SLC4A8: variants seen among roughly 807,000 people sequenced by gnomAD.
The protein encoded by SLC4A8 is electroneutral sodium bicarbonate exchanger 1.
In SLC4A8, 40 loss-of-function variants were observed where a neutral mutation model predicts 125.0. The observed-to-expected ratio is 0.32, with a 90% CI of 0.25 to 0.42. The LOEUF (loss-of-function observed/expected upper bound fraction) is 0.42, where lower values mean the gene tolerates loss of function less well. Among genes scored for constraint, SLC4A8 ranks in the 10% least tolerant of loss-of-function variants. The probability of loss-of-function intolerance (pLI) is 1.00; values close to 1 mark genes in which losing one functional copy is unlikely to be tolerated. For synonymous variants in SLC4A8, 456 were observed against 476.0 expected, an observed-to-expected ratio of 0.96 and a Z score of 0.55; for missense variants, 863 against 1,355.1, an observed-to-expected ratio of 0.64 and a Z score of 5.70.
At chr12:51,414,502 G>A (rs1040142863) in intron 1 of SLC4A8, among the ~76,000 whole-genome samples, 1 of 152,134 alleles carries the variant, frequency 6.6e-6, no homozygotes, top group African/African-American at 2.4e-5. Context: ...TGTAATCCTG[G>A]CATTTTGGGA....
chr12:51,497,288 G>A (rs1951488130), intron 22 of SLC4A8, 164 bp downstream of exon 22: 1 of 757,542 alleles, frequency 1.3e-6, no homozygotes, highest in African/African-American at 1.8e-5. Flanking sequence ...AGGGATTCTT[G>A]CTTCTGTCTG....
At chr12:51,474,640 C>T (rs772587776) in intron 15 of SLC4A8, 193 bp downstream of exon 15, 6 of 985,618 alleles carry the variant, frequency 6.1e-6, no homozygotes, top group Non-Finnish European at 8.6e-6. Context: ...GAAGATTACC[C>T]TTCTCTTTTC....
chr12:51,448,526 AAGG>A (rs1949858700), intron 2 of SLC4A8, among the ~76,000 whole-genome samples: 1 of 152,160 alleles, frequency 6.6e-6, no homozygotes, highest in African/African-American at 2.4e-5. Flanking sequence ...TAGCACTAAA[AAGG>A]AAGAAAAGGG....
intron 16 of SLC4A8, 128 bp downstream of exon 16, chr12:51,475,334 C>T (rs1042154952): frequency 2.4e-5 from 20 of 826,186 alleles, no homozygotes; most frequent in Non-Finnish European, 3.0e-5. Context: ...ATGAGCCACA[C>T]TGGCATTCTC....
chr12:51,482,068 A>G (rs1026586464), intron 16 of SLC4A8, among the ~76,000 whole-genome samples: 4 of 152,234 alleles, frequency 2.6e-5, no homozygotes, highest in South Asian at 2.1e-4. Flanking sequence ...AAGAGTTTGC[A>G]TAAGATTCTG....
intron 1 of SLC4A8, among the ~76,000 whole-genome samples, chr12:51,431,009 CAA>C (rs957452556): frequency 6.6e-6 from 1 of 152,170 alleles, no homozygotes; most frequent in Non-Finnish European, 1.5e-5. Flanking sequence ...GGACTAAAAT[CAA>C]AGTGTTGGCG....
intron 21 of SLC4A8, among the ~76,000 whole-genome samples, chr12:51,495,506 A>T (rs1400928656): frequency 3.9e-4 from 26 of 67,246 alleles, no homozygotes; most frequent in Non-Finnish European, 3.1e-4. Context: ...ATGGAGTTTC[A>T]CTCTTGTTAC....
intron 2 of SLC4A8, among the ~76,000 whole-genome samples, chr12:51,442,209 C>T (rs1303028423): frequency 2.0e-5 from 3 of 152,162 alleles, no homozygotes; most frequent in African/African-American, 7.2e-5. Flanking sequence ...CAAGAGAGGA[C>T]AGTAACTGTC....
rs1938242256 is a variant in SLC4A8, at chr12:51,508,050, A to G, written c.*612A>G. The G allele has an allele frequency of 6.6e-6, 1 of 152,358 alleles. No individual in the cohort carries two copies. The allele number at this position is 152,358 out of a possible 1,614,324, so 9.4% of individuals were successfully genotyped here. ...GCAGTGCCTGCCACCACAGCCAGGA[A>G]GATGCCTCTGACCTGGGTGCATCTC... On this transcript the variant is annotated 3_prime_UTR_variant, in exon 25 of 25. Coordinates refer to ENST00000453097, the MANE Select transcript of SLC4A8 (RefSeq NM_001039960.3).
chr12:51,441,381 CCACT>C (rs1949590536), intron 2 of SLC4A8, among the ~76,000 whole-genome samples: 1 of 152,066 alleles, frequency 6.6e-6, no homozygotes, highest in African/African-American at 2.4e-5. Flanking sequence ...TTTGGATGAC[CCACT>C]CTGTCCAGTT....
intron 2 of SLC4A8, among the ~76,000 whole-genome samples, chr12:51,442,075 C>T (rs1019482499): frequency 6.6e-6 from 1 of 152,124 alleles, no homozygotes; most frequent in Non-Finnish European, 1.5e-5. Context: ...CTTCATAGCA[C>T]CCCAGGCAGG....
intron 1 of SLC4A8, among the ~76,000 whole-genome samples, chr12:51,413,179 C>A (rs1452970772): frequency 6.6e-6 from 1 of 152,148 alleles, no homozygotes; most frequent in Non-Finnish European, 1.5e-5. Context: ...TGATATTGAG[C>A]ATTTTTTTCA....
chr12:51,500,344 A>G (rs1937798892), intron 22 of SLC4A8, among the ~76,000 whole-genome samples: 1 of 152,198 alleles, frequency 6.6e-6, no homozygotes, highest in African/African-American at 2.4e-5. Context: ...CTTTTTCTCC[A>G]CCTCATAGCC....
chr12:51,456,608 A>G (rs772344085), intron 5 of SLC4A8, among the ~76,000 whole-genome samples: 6 of 152,216 alleles, frequency 3.9e-5, no homozygotes, highest in Non-Finnish European at 8.8e-5. Context: ...CATGTTACAG[A>G]TGAAGAACTG....
chr12:51,428,263 A>G (rs1300370707), intron 1 of SLC4A8, among the ~76,000 whole-genome samples: 1 of 152,152 alleles, frequency 6.6e-6, no homozygotes, highest in Non-Finnish European at 1.5e-5. Flanking sequence ...ACTTACCTGA[A>G]ATATTCTTCT....
intron 1 of SLC4A8, among the ~76,000 whole-genome samples, chr12:51,395,196 C>G (rs1249815335): frequency 6.6e-6 from 1 of 152,200 alleles, no homozygotes; most frequent in African/African-American, 2.4e-5. Flanking sequence ...GACATTGTCT[C>G]TATCTCCAGA....
rs145395716 is a variant in SLC4A8 at position 51,504,487 on chromosome 12, G to A, written c.3173+367G>A. ...GAAACTAAGTCTTAGAGAGTTTTAG[G>A]TAATTTATCCAAAGTTACAATGTTG... On this transcript the variant is annotated intron_variant, in intron 23 of 24. Coordinates refer to ENST00000453097, the MANE Select transcript of SLC4A8 (RefSeq NM_001039960.3). Among the ~76,000 whole-genome samples, 3 of 152,332 alleles carry A rather than the reference G, an allele frequency of 2.0e-5. No individual in the cohort carries two copies. In the East Asian group the frequency reaches 5.8e-4, roughly 29 times the overall value.
intron 1 of SLC4A8, among the ~76,000 whole-genome samples, chr12:51,418,480 C>G (rs1038060265): frequency 2.6e-5 from 4 of 152,146 alleles, no homozygotes; most frequent in African/African-American, 7.2e-5. Flanking sequence ...GCTGATTATC[C>G]TTACATGTGT....
chr12:51,394,408 C>G (rs1157975486), intron 1 of SLC4A8, among the ~76,000 whole-genome samples: 1 of 152,220 alleles, frequency 6.6e-6, no homozygotes, highest in Non-Finnish European at 1.5e-5. Context: ...GCTGTTCTCT[C>G]CTAACAGGAA....
Sources: allele counts gnomAD v4.1 joint callset (sites outside exome capture counted in the v4.1 genomes callset), GRCh38; gene constraint gnomAD v4.1.1; transcripts MANE v1.5; gene names NCBI Gene and HGNC (gene_info 2026-07-23, HGNC 2026-07-21).